ANO4: variants seen among roughly 807,000 people sequenced by gnomAD.
ANO4 encodes anoctamin-4.
ANO4 carries 69 observed loss-of-function variants against 141.9 expected under a neutral mutation model. The observed-to-expected ratio is 0.49, with a 90% CI of 0.40 to 0.59. The LOEUF is 0.59. ANO4 is among the 20% of genes least tolerant of loss of function. The pLI is 0.00. For missense variants in ANO4, 894 were observed against 1,162.2 expected (o/e 0.77, Z 3.36); for synonymous variants, 350 against 394.3 (o/e 0.89, Z 1.33).
chr12:100,960,326 A>C (rs2136233038), intron 5 of ANO4, among the ~76,000 whole-genome samples: 1 of 152,338 alleles, frequency 6.6e-6, no homozygotes, highest in Admixed American at 6.5e-5. Flanking sequence ...CCAATGAGGA[A>C]GTGATATGAG....
chr12:101,036,296 TTAAAAAA>T (rs2136589011), intron 9 of ANO4, among the ~76,000 whole-genome samples: 1 of 152,188 alleles, frequency 6.6e-6, no homozygotes, highest in African/African-American at 2.4e-5. Context: ...TAGAGGTTCT[TTAAAAAA>T]TAAAAAATGA....
upstream of ANO4, among the ~76,000 whole-genome samples, chr12:100,789,805 A>G (rs2033984063): frequency 6.6e-6 from 1 of 152,350 alleles, no homozygotes; most frequent in East Asian, 1.9e-4. Flanking sequence ...GAGGCATGAA[A>G]GATGGATTCA....
At chr12:100,993,584 G>T (rs1566101876) in intron 8 of ANO4, among the ~76,000 whole-genome samples, 1 of 151,694 alleles carries the variant, frequency 6.6e-6, no homozygotes, top group African/African-American at 2.4e-5. Flanking sequence ...GGGTCACTCT[G>T]GGGGAAGGAG....
intron 2 of ANO4, among the ~76,000 whole-genome samples, chr12:100,735,170 G>A (rs747207041): frequency 7.9e-5 from 12 of 152,074 alleles, no homozygotes; most frequent in Non-Finnish European, 1.5e-4. Flanking sequence ...AATGTACCTC[G>A]GCATATCCAT....
intron 14 of ANO4, among the ~76,000 whole-genome samples, chr12:101,051,855 G>T (rs1187551309): frequency 6.6e-6 from 1 of 152,172 alleles, no homozygotes; most frequent in African/African-American, 2.4e-5. Context: ...ATAAAGGACT[G>T]CTATGCCTGT....
intron 1 of ANO4, among the ~76,000 whole-genome samples, chr12:100,833,181 T>G (rs999836155): frequency 6.6e-6 from 1 of 152,098 alleles, no homozygotes. Flanking sequence ...ATGTAACTTA[T>G]GGCCTCCAAT....
chr12:101,117,019 G>T (rs2050881438), intron 25 of ANO4, among the ~76,000 whole-genome samples: 2 of 152,176 alleles, frequency 1.3e-5, no homozygotes, highest in South Asian at 4.1e-4. Context: ...CAGAAACCAG[G>T]TGCAGTCAGA....
intron 1 of ANO4, among the ~76,000 whole-genome samples, chr12:100,848,472 A>G (rs982388357): frequency 5.3e-5 from 8 of 152,354 alleles, no homozygotes; most frequent in African/African-American, 1.2e-4. Flanking sequence ...TTCTTATTCA[A>G]TAAGTTTAGG....
chr12:100,807,530 A>G (rs552095902), intron 1 of ANO4, among the ~76,000 whole-genome samples: 1 of 152,296 alleles, frequency 6.6e-6, no homozygotes, highest in Admixed American at 6.5e-5. Flanking sequence ...TTTTGGAGAA[A>G]GGGTTAAATT....
intron 10 of ANO4, chr12:101,038,433 C>T (rs1023885733): frequency 6.6e-6 from 1 of 152,146 alleles, no homozygotes; most frequent in African/African-American, 2.4e-5. Context: ...ATGGGAGTGT[C>T]TGAGGAGATG....
intron 1 of ANO4, among the ~76,000 whole-genome samples, chr12:100,802,258 G>T (rs1459901288): frequency 6.6e-6 from 1 of 152,140 alleles, no homozygotes; most frequent in Non-Finnish European, 1.5e-5. Flanking sequence ...GAATACAGTT[G>T]TTTTATGAAC....
At chr12:100,979,845 A>T (rs1348929807) in intron 7 of ANO4, among the ~76,000 whole-genome samples, 1 of 149,888 alleles carries the variant, frequency 6.7e-6, no homozygotes, top group Non-Finnish European at 1.5e-5. Context: ...CTCCTGCCTC[A>T]GCCTCCCGAG....
chr12:100,967,478 G>A (rs750156309), intron 5 of ANO4, among the ~76,000 whole-genome samples: 17 of 151,854 alleles, frequency 1.1e-4, no homozygotes, highest in Non-Finnish European at 1.0e-4. Context: ...TCAGTAACAA[G>A]CAGTAGGTAA....
chr12:100,764,420 T>C (rs1440366128), intron 3 of ANO4, among the ~76,000 whole-genome samples: 2 of 152,232 alleles, frequency 1.3e-5, no homozygotes, highest in Non-Finnish European at 2.9e-5. Flanking sequence ...AAGATTTTGC[T>C]AAATGTTTAT....
At chr12:100,792,163 C>T (rs2135618633), upstream of ANO4, among the ~76,000 whole-genome samples, 1 of 151,940 alleles carries the variant, frequency 6.6e-6, no homozygotes, top group Non-Finnish European at 1.5e-5. Flanking sequence ...CTGTGTCTAC[C>T]CTGGTGTTGA....
chr12:101,084,863 C>A (rs1346685864), intron 16 of ANO4, among the ~76,000 whole-genome samples: 1 of 152,156 alleles, frequency 6.6e-6, no homozygotes, highest in Non-Finnish European at 1.5e-5. Context: ...GACAAGCTTG[C>A]CCAAGGTCAC....
At chr12:101,023,666 C>T (rs1442520778) in intron 9 of ANO4, among the ~76,000 whole-genome samples, 2 of 151,972 alleles carry the variant, frequency 1.3e-5, no homozygotes, top group Non-Finnish European at 2.9e-5. Flanking sequence ...GAGTCTGTCA[C>T]AACAAAGAAA....
chr12:100,891,946 C>G (rs1243390112), intron 1 of ANO4, among the ~76,000 whole-genome samples: 1 of 152,208 alleles, frequency 6.6e-6, no homozygotes, highest in Non-Finnish European at 1.5e-5. Context: ...AACCGCCATT[C>G]TACTCTCTGG....
chr12:100,761,246 C>A lies in ANO4; in HGVS notation c.358+21141C>A, dbSNP rs188409703. On this transcript the variant is annotated intron_variant, in intron 3 of 29. Coordinates refer to the ANO4 transcript ENST00000644049. ...ATGAAGAAGTTTTGGCTGCTTAAGC[C>A]CCAGGCCTATGTCTCATCTCTTGGG... Among the ~76,000 whole-genome samples, 8 of 152,218 alleles carry A rather than the reference C, an allele frequency of 5.3e-5. No homozygotes were observed. In the East Asian group the frequency reaches 9.7e-4, roughly 18 times the overall value.
Sources: allele counts gnomAD v4.1 joint callset (sites outside exome capture counted in the v4.1 genomes callset), GRCh38; gene constraint gnomAD v4.1.1; transcripts MANE v1.5; gene names NCBI Gene and HGNC (gene_info 2026-07-23, HGNC 2026-07-21).